The following ACOT1 variants were observed in gnomAD, a reference collection of about 807,000 sequenced individuals.
ACOT1 encodes the protein acyl-coenzyme A thioesterase 1.
In ACOT1, 8 loss-of-function variants were observed where a neutral mutation model predicts 15.7. The observed-to-expected ratio is 0.51, with a 90% CI of 0.30 to 0.92. The LOEUF (loss-of-function observed/expected upper bound fraction) is 0.92. Among genes scored for constraint, ACOT1 ranks in the 40% least tolerant of loss-of-function variants. ACOT1 has a pLI of 0.06. For missense variants in ACOT1, 151 were observed against 539.4 expected, an observed-to-expected ratio of 0.28 and a Z score of 7.13; for synonymous variants, 67 against 241.2, an observed-to-expected ratio of 0.28 and a Z score of 6.69.
the ACOT1 span, chr14:73,520,924 G>T: frequency 3.7e-6 from 6 of 1,613,914 alleles, no homozygotes; most frequent in Middle Eastern, 3.3e-4. Context: ...GTCACCTGGC[G>T]AAAGTAGCTC....
chr14:73,500,480 G>A, the ACOT1 span: 12 of 1,480,776 alleles, frequency 8.1e-6, no homozygotes, highest in Non-Finnish European at 1.1e-5. Context: ...AGCATACTGT[G>A]CACAACCAGG....
At chr14:73,492,242 T>TG in the ACOT1 span, 1 of 1,614,048 alleles carries the variant, frequency 6.2e-7, no homozygotes, top group Non-Finnish European at 8.5e-7. The surrounding 1 kb of genome is among the most constrained non-coding windows in gnomAD (Gnocchi z 4.9). Flanking sequence ...CCAAGCTGAA[T>TG]GCCAGGATGG....
At chr14:73,519,098 G>T in the ACOT1 span, 2 of 1,613,940 alleles carry the variant, frequency 1.2e-6, no homozygotes, top group East Asian at 2.2e-5. Context: ...TTGTTGTACC[G>T]ATTTAGGTTT....
At chr14:73,522,833 TG>T in the ACOT1 span, 2 of 1,614,196 alleles carry the variant, frequency 1.2e-6, no homozygotes, top group Non-Finnish European at 1.7e-6. Context: ...CTTCCTGATC[TG>T]GGGAGTATGG....
the ACOT1 span, among the ~76,000 whole-genome samples, chr14:73,506,804 G>GTTTTTTTTTTTTTTGTTTTT: frequency 1.6e-4 from 13 of 80,516 alleles, no homozygotes; most frequent in African/African-American, 5.4e-4. Context: ...GACTTTAACT[G>GTTTTTTTTTTTTTTGTTTTT]TTTTTTTTTT....
chr14:73,491,441 G>A, the ACOT1 span: 1 of 1,380,092 alleles, frequency 7.2e-7, no homozygotes, highest in Non-Finnish European at 9.3e-7. Context: ...GCCGGTCCGG[G>A]TGGTGGAGAC....
At chr14:73,532,421 C>T (rs188758603), upstream of ACOT1, among the ~76,000 whole-genome samples, 1 of 116,250 alleles carries the variant, frequency 8.6e-6, no homozygotes, top group African/African-American at 2.8e-5. Flanking sequence ...TACAGAAATT[C>T]TGATCTTCAG....
At chr14:73,497,495 A>G in the ACOT1 span, among the ~76,000 whole-genome samples, 1 of 152,196 alleles carries the variant, frequency 6.6e-6, no homozygotes, top group Non-Finnish European at 1.5e-5. Flanking sequence ...CAGAGTTTAA[A>G]TACCTTACAC....
the ACOT1 span, chr14:73,509,313 C>G: frequency 6.2e-7 from 1 of 1,614,010 alleles, no homozygotes; most frequent in Non-Finnish European, 8.5e-7. Context: ...GTTACTCACC[C>G]TTCAGAAGGG....
At chr14:73,506,804 G>GTTTTTTTTTTTTTTGTTTTTT in the ACOT1 span, among the ~76,000 whole-genome samples, 2 of 80,522 alleles carry the variant, frequency 2.5e-5, no homozygotes, top group Non-Finnish European at 4.5e-5. Flanking sequence ...GACTTTAACT[G>GTTTTTTTTTTTTTTGTTTTTT]TTTTTTTTTT....
chr14:73,534,883 A>G (rs1442432805), upstream of ACOT1, among the ~76,000 whole-genome samples: 25 of 108,488 alleles, frequency 2.3e-4, 6 homozygotes, highest in African/African-American at 7.5e-4. Context: ...GGGCTCAAGC[A>G]ATCTCCTGCC....
chr14:73,491,000 G>C, the ACOT1 span: 1 of 1,377,908 alleles, frequency 7.3e-7, no homozygotes, highest in Non-Finnish European at 9.5e-7. Flanking sequence ...GGGCGGGGAA[G>C]ACTGGTGTGG....
At chr14:73,509,212 A>G in the ACOT1 span, 1 of 1,153,516 alleles carries the variant, frequency 8.7e-7, no homozygotes, top group East Asian at 2.4e-5. Context: ...AATACAGCAG[A>G]CATTGCAGAG....
chr14:73,494,085 T>C, the ACOT1 span, among the ~76,000 whole-genome samples: 2 of 152,238 alleles, frequency 1.3e-5, no homozygotes, highest in Non-Finnish European at 2.9e-5. Context: ...CAACCAACTT[T>C]TAGCAAGCTG....
the ACOT1 span, chr14:73,522,951 C>T: frequency 2.5e-6 from 4 of 1,614,240 alleles, no homozygotes; most frequent in African/African-American, 2.7e-5. Flanking sequence ...AGGTTTGCAG[C>T]AGCCATTTTC....
the ACOT1 span, among the ~76,000 whole-genome samples, chr14:73,527,961 C>CAAAAAA: frequency 9.5e-5 from 5 of 52,690 alleles, no homozygotes; most frequent in Admixed American, 2.7e-4. Context: ...AACTCCATCT[C>CAAAAAA]AAAAAAAAAA....
chr14:73,491,434 G>C, the ACOT1 span: 1 of 1,360,314 alleles, frequency 7.4e-7, no homozygotes, highest in Non-Finnish European at 9.4e-7. Context: ...CCGCCGCGCC[G>C]GTCCGGGTGG....
the ACOT1 span, among the ~76,000 whole-genome samples, chr14:73,497,315 C>T: frequency 2.0e-5 from 3 of 152,180 alleles, no homozygotes; most frequent in Non-Finnish European, 4.4e-5. Flanking sequence ...GTTGGGATTA[C>T]AGATGTGAGC....
the ACOT1 span, chr14:73,500,478 G>A: frequency 6.8e-7 from 1 of 1,465,508 alleles, no homozygotes; most frequent in Non-Finnish European, 9.4e-7. Flanking sequence ...TGAGCATACT[G>A]TGCACAACCA....
Sources: allele counts gnomAD v4.1 joint callset (sites outside exome capture counted in the v4.1 genomes callset), GRCh38; gene constraint gnomAD v4.1.1; non-coding constraint Gnocchi (gnomAD v3.1); transcripts MANE v1.5; gene names NCBI Gene and HGNC (gene_info 2026-07-23, HGNC 2026-07-21).